GRM1: variants seen among roughly 807,000 people sequenced by gnomAD.
The protein encoded by GRM1 is glutamate metabotropic receptor 1.
Under a neutral mutation model 90.9 loss-of-function variants are expected in GRM1, and 33 were observed. The observed-to-expected ratio is 0.36, with a 90% confidence interval of 0.28 to 0.49. GRM1 has a LOEUF of 0.49. Ranked by LOEUF, GRM1 falls within the 20% of genes least tolerant of loss-of-function variation. The probability of loss-of-function intolerance (pLI) is 0.99; values close to 1 mark genes in which losing one functional copy is unlikely to be tolerated. For missense variants in GRM1, 1,190 were observed against 1,534.3 expected (o/e 0.78, Z 3.75); for synonymous variants, 700 against 613.2 (o/e 1.14, Z -2.09).
At chr6:146,129,808 G>T (rs1776326588) in intron 1 of GRM1, among the ~76,000 whole-genome samples, 1 of 152,156 alleles carries the variant, frequency 6.6e-6, no homozygotes, top group Non-Finnish European at 1.5e-5. Context: ...GCCAGTCGGG[G>T]CTTCTCTGAC....
chr6:146,324,795 A>G (rs980228086), intron 3 of GRM1, among the ~76,000 whole-genome samples: 2 of 152,198 alleles, frequency 1.3e-5, no homozygotes, highest in African/African-American at 4.8e-5. Context: ...CAGGTACCTC[A>G]GTTGGAAATG....
intron 2 of GRM1, among the ~76,000 whole-genome samples, chr6:146,259,951 T>A (rs1781625214): frequency 6.7e-6 from 1 of 148,320 alleles, no homozygotes; most frequent in Non-Finnish European, 1.5e-5. Flanking sequence ...TCCTCACCAA[T>A]ACTTATTTAT....
intron 5 of GRM1, among the ~76,000 whole-genome samples, chr6:146,377,238 T>C (rs2115111038): frequency 6.6e-6 from 1 of 152,162 alleles, no homozygotes; most frequent in South Asian, 2.1e-4. Context: ...TAGAACTGGG[T>C]AACAGGCAGA....
At chr6:146,356,679 T>C (rs534856237) in intron 4 of GRM1, among the ~76,000 whole-genome samples, 1 of 152,312 alleles carries the variant, frequency 6.6e-6, no homozygotes, top group Non-Finnish European at 1.5e-5. Flanking sequence ...TTAAAGAGTT[T>C]AGTGGCATTC....
rs1044207574 is a variant in GRM1, at chr6:146,197,350, A to G, written c.950+37753A>G. ...TTCTTTTACTGCATATACTTCTCAGAGTCTTTAAAATGCTAAAGAGCAATG... is the reference window on the plus strand; with the variant it reads ...TTCTTTTACTGCATATACTTCTCAGGGTCTTTAAAATGCTAAAGAGCAATG... On this transcript the variant is annotated intron_variant, in intron 2 of 7. Transcript: ENST00000282753. Among the ~76,000 whole-genome samples the G allele has an allele frequency of 2.0e-5, 3 of 152,368 alleles. No individual in the cohort carries two copies. In the South Asian group the frequency reaches 6.2e-4, roughly 32 times the overall value.
chr6:146,178,559 A>G (rs1169684225), intron 2 of GRM1, among the ~76,000 whole-genome samples: 1 of 152,202 alleles, frequency 6.6e-6, no homozygotes, highest in African/African-American at 2.4e-5. Context: ...TTGTGCATGA[A>G]ACAAAGTTTG....
intron 2 of GRM1, among the ~76,000 whole-genome samples, chr6:146,195,549 G>A (rs1212628054): frequency 6.6e-6 from 1 of 152,214 alleles, no homozygotes. Flanking sequence ...TAAGTGCACA[G>A]GGGCAGGACT....
chr6:146,280,406 T>C (rs1220092161), intron 2 of GRM1, among the ~76,000 whole-genome samples: 1 of 152,188 alleles, frequency 6.6e-6, no homozygotes, highest in Non-Finnish European at 1.5e-5. Context: ...TAACTATTGC[T>C]CTGATTAGTA....
chr6:146,227,124 C>T (rs1003319398), intron 2 of GRM1, among the ~76,000 whole-genome samples: 8 of 151,900 alleles, frequency 5.3e-5, no homozygotes, highest in Admixed American at 5.3e-4. Flanking sequence ...TTATATAAAA[C>T]TATTGTATAT....
chr6:146,119,385 G>T (rs946061020), intron 1 of GRM1, among the ~76,000 whole-genome samples: 8 of 152,124 alleles, frequency 5.3e-5, no homozygotes, highest in African/African-American at 1.9e-4. Context: ...CTCCCATTCT[G>T]TAGGTTGCCT....
At chr6:146,260,374 G>C (rs1781645123) in intron 2 of GRM1, among the ~76,000 whole-genome samples, 1 of 152,090 alleles carries the variant, frequency 6.6e-6, no homozygotes, top group South Asian at 2.1e-4. Flanking sequence ...GTGTATATGT[G>C]CCACATTTTC....
chr6:146,282,112 G>A (rs896161135), intron 2 of GRM1, among the ~76,000 whole-genome samples: 2 of 151,522 alleles, frequency 1.3e-5, no homozygotes, highest in Non-Finnish European at 2.9e-5. Flanking sequence ...TGTCAGCACT[G>A]GTGCCTTTGT....
chr6:146,406,713 A>G (rs180677144), intron 7 of GRM1, among the ~76,000 whole-genome samples: 1 of 152,256 alleles, frequency 6.6e-6, no homozygotes. Context: ...ATGCACCTGT[A>G]ATCCCAGCTA....
At chr6:146,065,804 A>T (rs1775825931) in intron 1 of GRM1, among the ~76,000 whole-genome samples, 1 of 152,202 alleles carries the variant, frequency 6.6e-6, no homozygotes, top group South Asian at 2.1e-4. Flanking sequence ...ATGTTGAAGG[A>T]ATCATAAAGG....
intron 2 of GRM1, among the ~76,000 whole-genome samples, chr6:146,276,654 G>A (rs563439499): frequency 2.6e-5 from 4 of 152,004 alleles, no homozygotes; most frequent in Admixed American, 2.6e-4. Context: ...CAGAACAATT[G>A]TAAACACTTT....
intron 1 of GRM1, among the ~76,000 whole-genome samples, chr6:146,118,799 C>T (rs1775864086): frequency 6.6e-6 from 1 of 152,180 alleles, no homozygotes; most frequent in Admixed American, 6.5e-5. Context: ...CATAGTATTC[C>T]ATGGTGTATA....
intron 2 of GRM1, among the ~76,000 whole-genome samples, chr6:146,209,348 A>G (rs1450723877): frequency 2.0e-5 from 3 of 152,120 alleles, no homozygotes; most frequent in Non-Finnish European, 4.4e-5. Context: ...TCGCTCCCAA[A>G]GTGTTTTAAA....
At chr6:146,421,714 T>A (rs1777999333) in intron 7 of GRM1, among the ~76,000 whole-genome samples, 1 of 152,094 alleles carries the variant, frequency 6.6e-6, no homozygotes, top group South Asian at 2.1e-4. Flanking sequence ...ATCTTAATAA[T>A]TAACAATTTT....
At chr6:146,389,531 T>G (rs1461733893) in intron 6 of GRM1, among the ~76,000 whole-genome samples, 1 of 152,152 alleles carries the variant, frequency 6.6e-6, no homozygotes, top group Non-Finnish European at 1.5e-5. Context: ...TGCCAAATGC[T>G]CATTTCCGTT....
Sources: gnomAD v4.1 joint callset for allele counts (sites outside exome capture counted in the v4.1 genomes callset) on GRCh38, gnomAD v4.1.1 for gene constraint, MANE v1.5 for transcripts, NCBI Gene and HGNC (gene_info 2026-07-23, HGNC 2026-07-21) for gene names.